Variants in PDZRN4 observed in about 807,000 individuals in gnomAD.
PDZRN4 encodes PDZ domain-containing RING finger protein 4.
PDZRN4 carries 70 observed loss-of-function variants against 99.0 expected under a neutral mutation model. The ratio of observed to expected loss-of-function variants is 0.71; its 90% confidence interval spans 0.58 to 0.86. The LOEUF (loss-of-function observed/expected upper bound fraction) is 0.86, where lower values mean the gene tolerates loss of function less well. Ranked by LOEUF, PDZRN4 falls within the 40% of genes least tolerant of loss-of-function variation. PDZRN4 has a pLI of 0.00. For missense variants in PDZRN4, 1,474 were observed against 1,331.2 expected (o/e 1.11, Z -1.67); for synonymous variants, 551 against 501.6 (o/e 1.10, Z -1.32).
intron 3 of PDZRN4, among the ~76,000 whole-genome samples, chr12:41,454,493 G>T (rs1033870232): frequency 7.2e-5 from 11 of 152,168 alleles, no homozygotes; most frequent in African/African-American, 2.7e-4. Context: ...AATAATATGA[G>T]ACTAGTTACT....
chr12:41,504,743 C>T (rs1019524321), intron 3 of PDZRN4, among the ~76,000 whole-genome samples: 2 of 151,942 alleles, frequency 1.3e-5, no homozygotes, highest in African/African-American at 4.8e-5. Context: ...GTCAGATATT[C>T]CAAGGTGTAT....
At chr12:41,380,990 A>G (rs1330781047) in intron 3 of PDZRN4, among the ~76,000 whole-genome samples, 7 of 152,238 alleles carry the variant, frequency 4.6e-5, no homozygotes, top group Middle Eastern at 3.4e-3. Flanking sequence ...TAGCTTTGCT[A>G]TGTATAGTAT....
chr12:41,426,361 A>G (rs760085226), intron 3 of PDZRN4, among the ~76,000 whole-genome samples: 3 of 152,256 alleles, frequency 2.0e-5, no homozygotes, highest in Non-Finnish European at 4.4e-5. Context: ...TTTACATCCC[A>G]TAGGTAGGAC....
At chr12:41,458,685 A>G (rs1952840647) in intron 3 of PDZRN4, among the ~76,000 whole-genome samples, 1 of 152,124 alleles carries the variant, frequency 6.6e-6, no homozygotes, top group Admixed American at 6.6e-5. Context: ...TGTGTACCCC[A>G]CAGTGGCCCT....
At chr12:41,358,072 T>G (rs969891037) in intron 3 of PDZRN4, among the ~76,000 whole-genome samples, 1 of 151,984 alleles carries the variant, frequency 6.6e-6, no homozygotes, top group Non-Finnish European at 1.5e-5. Flanking sequence ...TGGGGACAAC[T>G]AGCAGGTCTG....
At chr12:41,293,636 G>T (rs1294443927) in intron 3 of PDZRN4, among the ~76,000 whole-genome samples, 4 of 152,090 alleles carry the variant, frequency 2.6e-5, no homozygotes, top group African/African-American at 9.7e-5. Flanking sequence ...CCAAGTAGAG[G>T]CAGAAATAAC....
chr12:41,537,774 A>G (rs1938774278), intron 5 of PDZRN4, among the ~76,000 whole-genome samples: 1 of 152,208 alleles, frequency 6.6e-6, no homozygotes, highest in Admixed American at 6.5e-5. Flanking sequence ...AGTAGAAAGT[A>G]AGGGGGAAAA....
At chr12:41,282,872 C>A (rs1468947395) in intron 3 of PDZRN4, among the ~76,000 whole-genome samples, 2 of 152,166 alleles carry the variant, frequency 1.3e-5, no homozygotes, top group Admixed American at 1.3e-4. Context: ...ACAGCTAAAG[C>A]AGTGTTTGGA....
Position 41,573,231 on chromosome 12 carries a change from G to A in PDZRN4, c.2452G>A (p.Asp818Asn), listed in dbSNP as rs781076622. 6.2e-7 allele frequency: 1 copy of A among 1,614,092 alleles called. No homozygotes were observed. Among genetic ancestry groups the A allele is most frequent in the South Asian group, 1.1e-5 (1 of 91,082 alleles). The change falls in exon 10 of 10, where the codon GAT becomes AAT. Residue 818 changes from aspartate (D) to asparagine (N), a missense_variant. Coordinates refer to ENST00000402685, the MANE Select transcript of PDZRN4 (RefSeq NM_001164595.2). ...GGTTTTAGAAGGCAGCAAGCTTCCT[G>A]ATCAAGAGAAGGCAGTCAGCGAACA... ...EKVLEGSKLP[D>N]QEKAVSEHIP...
intron 3 of PDZRN4, among the ~76,000 whole-genome samples, chr12:41,218,790 C>G (rs1431216086): frequency 6.6e-6 from 1 of 152,016 alleles, no homozygotes; most frequent in Non-Finnish European, 1.5e-5. Context: ...AATTTCTGTT[C>G]CTTTATGGCA....
chr12:41,510,051 T>C, intron 5 of PDZRN4, 138 bp downstream of exon 5: 1 of 465,578 alleles, frequency 2.1e-6, no homozygotes, highest in Non-Finnish European at 3.8e-6. Flanking sequence ...TCAAATACTA[T>C]TTGCTTTAGC....
Position 41,563,565 on chromosome 12 carries a change from C to A in PDZRN4, c.1383C>A (p.Val461=), listed in dbSNP as rs910806625. ...DRILQINGED[V]QNREEAVALL... is the part of the protein sequence containing the mutation. ...TTTTCTAGATAAATGGGGAAGATGT[C>A]CAGAATCGAGAAGAAGCAGTGGCCT... The change falls in exon 8 of 10, where the codon GTC becomes GTA. Residue 461 remains valine (V), a synonymous_variant. Coordinates refer to ENST00000402685, the MANE Select transcript of PDZRN4 (RefSeq NM_001164595.2). 6.2e-7 allele frequency: 1 copy of A among 1,612,878 alleles called. No individual in the cohort carries two copies.
In PDZRN4 at chr12:41,471,888, C is replaced by T. The variant is rs560458052; in HGVS notation, c.844-34568C>T. Reference sequence around the variant, plus strand: ...TTCATACACTAAGTTTTCTGTTAGCCTAAGTAATTATATTTCTAATTAACT... The same window carrying T: ...TTCATACACTAAGTTTTCTGTTAGCTTAAGTAATTATATTTCTAATTAACT... On this transcript the variant is annotated intron_variant, in intron 3 of 9. Transcript: ENST00000402685. Among the ~76,000 whole-genome samples the T allele has an allele frequency of 4.8e-5, 7 of 145,362 alleles. No homozygotes were observed. In the South Asian group the frequency reaches 1.6e-3, roughly 32 times the overall value.
chr12:41,489,008 G>A (rs1014848467), intron 3 of PDZRN4, among the ~76,000 whole-genome samples: 1 of 152,174 alleles, frequency 6.6e-6, no homozygotes, highest in South Asian at 2.1e-4. Context: ...GCCCAGGACA[G>A]CTTTGAAAGT....
chr12:41,218,635 A>T (rs939447770), intron 3 of PDZRN4, among the ~76,000 whole-genome samples: 4 of 152,118 alleles, frequency 2.6e-5, no homozygotes, highest in Non-Finnish European at 4.4e-5. Context: ...ACTCTCAAAT[A>T]ATTTGGTTGT....
chr12:41,489,738 A>C (rs1324227317), intron 3 of PDZRN4, among the ~76,000 whole-genome samples: 2 of 151,616 alleles, frequency 1.3e-5, no homozygotes, highest in East Asian at 3.9e-4. Context: ...TAAGACTAGG[A>C]CATCAATAAA....
At chr12:41,417,144 G>T (rs144969177) in intron 3 of PDZRN4, among the ~76,000 whole-genome samples, 177 of 152,228 alleles carry the variant, frequency 1.2e-3, no homozygotes, top group African/African-American at 4.2e-3. Flanking sequence ...AAAGGAAATT[G>T]CCATATTTCC....
At chr12:41,511,776 C>A (rs991771942) in intron 5 of PDZRN4, among the ~76,000 whole-genome samples, 5 of 152,178 alleles carry the variant, frequency 3.3e-5, no homozygotes, top group Admixed American at 6.5e-5. Flanking sequence ...CTGCATCAAA[C>A]TGCAAAATCT....
intron 3 of PDZRN4, among the ~76,000 whole-genome samples, chr12:41,224,074 T>G (rs1950976707): frequency 6.6e-6 from 1 of 152,210 alleles, no homozygotes; most frequent in South Asian, 2.1e-4. Flanking sequence ...AGCTTGCCCT[T>G]GAGGCCTGCC....
Sources: allele counts gnomAD v4.1 joint callset (sites outside exome capture counted in the v4.1 genomes callset), GRCh38; gene constraint gnomAD v4.1.1; transcripts MANE v1.5; gene names NCBI Gene and HGNC (gene_info 2026-07-23, HGNC 2026-07-21).